The following RARB variants were observed in gnomAD, a reference collection of about 807,000 sequenced individuals.
RARB encodes the protein retinoic acid receptor beta.
A neutral mutation model predicts 51.9 loss-of-function variants in RARB; 17 were observed. The observed-to-expected ratio is 0.33, with a 90% CI of 0.22 to 0.49. The LOEUF (loss-of-function observed/expected upper bound fraction) is 0.49. Ranked by LOEUF, RARB falls within the 20% of genes least tolerant of loss-of-function variation. The pLI is 0.99. For missense variants in RARB, 369 were observed against 550.8 expected (o/e 0.67, Z 3.30); for synonymous variants, 215 against 195.4 (o/e 1.10, Z -0.84).
chr3:25,226,078 A>G (rs945386208), intron 5 of RARB, among the ~76,000 whole-genome samples: 1 of 152,224 alleles, frequency 6.6e-6, no homozygotes, highest in Non-Finnish European at 1.5e-5. Flanking sequence ...CTGCCCATAT[A>G]AAAATTCAGT....
At chr3:24,942,736 T>A (rs752871891) in intron 2 of RARB, among the ~76,000 whole-genome samples, 7 of 152,170 alleles carry the variant, frequency 4.6e-5, no homozygotes, top group Non-Finnish European at 7.3e-5. Context: ...CAGTGAAGAT[T>A]ACTGTCAAGA....
At chr3:25,170,430 G>C (rs1490725470) in intron 4 of RARB, among the ~76,000 whole-genome samples, 1 of 152,154 alleles carries the variant, frequency 6.6e-6, no homozygotes, top group Non-Finnish European at 1.5e-5. Flanking sequence ...CAGAGTTTCT[G>C]ATTCAGTAGG....
Position 25,182,035 on chromosome 3 carries a change from A to T in RARB, c.178+7460A>T, listed in dbSNP as rs188595064. ...TTACATTTTTCTATTCATCCTTGGTATTGCAGTCAGAGAAATGTATTAACT... is the reference window on the plus strand; with the variant it reads ...TTACATTTTTCTATTCATCCTTGGTTTTGCAGTCAGAGAAATGTATTAACT... On this transcript the variant is annotated intron_variant, in intron 5 of 11. Coordinates refer to the RARB transcript ENST00000383772. 6.1e-4 allele frequency among the ~76,000 whole-genome samples: 93 copies of T among 152,344 alleles called. 1 individual carries two copies. Among genetic ancestry groups the T allele is most frequent in the Admixed American group, 2.1e-3 (32 of 15,306 alleles).
chr3:25,078,893 A>C (rs1698932320), intron 3 of RARB, among the ~76,000 whole-genome samples: 2 of 152,090 alleles, frequency 1.3e-5, no homozygotes, highest in Non-Finnish European at 2.9e-5. Context: ...TTTTTATATA[A>C]ATTTTAGAAT....
intron 1 of RARB, among the ~76,000 whole-genome samples, chr3:25,446,919 C>G (rs1433572421): frequency 6.6e-6 from 1 of 150,754 alleles, no homozygotes; most frequent in Non-Finnish European, 1.5e-5. Context: ...AGGGGATGAA[C>G]TCACTTTCAG....
chr3:24,972,290 C>G (rs770518559), intron 2 of RARB, among the ~76,000 whole-genome samples: 1 of 151,948 alleles, frequency 6.6e-6, no homozygotes, highest in Non-Finnish European at 1.5e-5. Flanking sequence ...ACTCCCAGTT[C>G]GATTTGTGTT....
intron 2 of RARB, among the ~76,000 whole-genome samples, chr3:25,497,076 C>T (rs1160036732): frequency 6.6e-6 from 1 of 152,054 alleles, no homozygotes; most frequent in Non-Finnish European, 1.5e-5. Flanking sequence ...TAGAGACGGG[C>T]TTTCTCCACG....
intron 5 of RARB, among the ~76,000 whole-genome samples, chr3:25,280,446 C>T (rs1411094518): frequency 3.9e-5 from 6 of 152,122 alleles, no homozygotes; most frequent in Non-Finnish European, 8.8e-5. Context: ...TCCTGAACCC[C>T]ATCAGAGTGA....
chr3:24,833,187 T>C (rs978909358), intron 1 of RARB: 2 of 152,322 alleles, frequency 1.3e-5, no homozygotes, highest in African/African-American at 4.8e-5. Context: ...TCTTGAAGCA[T>C]TGGACAGAGC....
At chr3:25,183,403 C>G (rs1270592573) in intron 5 of RARB, among the ~76,000 whole-genome samples, 1 of 152,088 alleles carries the variant, frequency 6.6e-6, no homozygotes, top group African/African-American at 2.4e-5. Flanking sequence ...TTTTGTCTTA[C>G]TGGATGGCAA....
intron 3 of RARB, among the ~76,000 whole-genome samples, chr3:25,081,717 C>T (rs1699007619): frequency 7.2e-6 from 1 of 138,904 alleles, no homozygotes; most frequent in African/African-American, 2.7e-5. Flanking sequence ...ACTGCAACCT[C>T]CACCTTCCGA....
At chr3:25,401,166 C>T (rs1346579651) in intron 5 of RARB, among the ~76,000 whole-genome samples, 3 of 152,106 alleles carry the variant, frequency 2.0e-5, no homozygotes, top group Non-Finnish European at 4.4e-5. Context: ...AACATTCAGG[C>T]TCCTCTTGGC....
chr3:24,867,599 G>T (rs2885594), intron 2 of RARB, among the ~76,000 whole-genome samples: 103,262 of 152,028 alleles, frequency 0.68, 35,933 homozygotes, highest in East Asian at 0.88. Flanking sequence ...CCCTTCTGTA[G>T]GGGAGGGAGC....
chr3:25,173,621 G>A (rs1700684160), intron 4 of RARB, among the ~76,000 whole-genome samples: 1 of 152,154 alleles, frequency 6.6e-6, no homozygotes, highest in Non-Finnish European at 1.5e-5. Context: ...AAGCATATCA[G>A]TTAGAATAGC....
chr3:24,950,871 A>G (rs1695876052), intron 2 of RARB, among the ~76,000 whole-genome samples: 1 of 152,208 alleles, frequency 6.6e-6, no homozygotes, highest in African/African-American at 2.4e-5. Flanking sequence ...CGTGCCTGGC[A>G]TAGAAATGCA....
At chr3:25,356,870 T>C (rs1705757526) in intron 5 of RARB, among the ~76,000 whole-genome samples, 1 of 152,208 alleles carries the variant, frequency 6.6e-6, no homozygotes, top group Admixed American at 6.5e-5. Context: ...CTGCATAGTA[T>C]TCCATGGTGT....
intron 2 of RARB, among the ~76,000 whole-genome samples, chr3:24,964,483 ACT>A (rs1696211710): frequency 6.6e-6 from 1 of 151,748 alleles, no homozygotes; most frequent in African/African-American, 2.4e-5. Flanking sequence ...TCAACCCACC[ACT>A]CTCCATTTTA....
chr3:24,902,847 T>C (rs182485973), intron 2 of RARB, among the ~76,000 whole-genome samples: 1 of 152,318 alleles, frequency 6.6e-6, no homozygotes, highest in East Asian at 1.9e-4. Context: ...TTACATTAAT[T>C]ATATATTACT....
chr3:25,049,004 G>A (rs1433310989), intron 2 of RARB, among the ~76,000 whole-genome samples: 3 of 152,006 alleles, frequency 2.0e-5, no homozygotes, highest in South Asian at 2.1e-4. Flanking sequence ...CACCTGCCTC[G>A]GCCTCCCAGA....
Sources: gnomAD v4.1 joint callset for allele counts (sites outside exome capture counted in the v4.1 genomes callset) on GRCh38, gnomAD v4.1.1 for gene constraint, MANE v1.5 for transcripts, NCBI Gene and HGNC (gene_info 2026-07-23, HGNC 2026-07-21) for gene names.